PTCHD4: variants seen among roughly 807,000 people sequenced by gnomAD.
PTCHD4 encodes patched domain-containing protein 4.
PTCHD4 carries 33 observed loss-of-function variants against 58.1 expected under a neutral mutation model. That is an observed-to-expected ratio of 0.57 (90% confidence interval 0.43 to 0.76). The LOEUF is 0.76. Among genes scored for constraint, PTCHD4 ranks in the 30% least tolerant of loss-of-function variants. The probability of loss-of-function intolerance (pLI) is 0.00; values close to 1 mark genes in which losing one functional copy is unlikely to be tolerated. For missense variants in PTCHD4, 1,058 were observed against 1,027.1 expected, an observed-to-expected ratio of 1.03 and a Z score of -0.41; for synonymous variants, 478 against 409.6, an observed-to-expected ratio of 1.17 and a Z score of -2.02.
chr6:48,010,513 T>C (rs1266699032), intron 3 of PTCHD4, among the ~76,000 whole-genome samples: 2 of 151,814 alleles, frequency 1.3e-5, no homozygotes, highest in Non-Finnish European at 1.5e-5. Flanking sequence ...GAGAGTGTGT[T>C]GCAAACACAA....
chr6:47,890,506 T>C (rs1764344344), intron 4 of PTCHD4, among the ~76,000 whole-genome samples: 1 of 152,136 alleles, frequency 6.6e-6, no homozygotes, highest in African/African-American at 2.4e-5. Flanking sequence ...GACAGTGAGA[T>C]GTACCTCATG....
In PTCHD4 at chr6:48,059,761, T is replaced by C. The variant is rs138048926; in HGVS notation, c.417+8469A>G. On this transcript the variant is annotated intron_variant, in intron 3 of 4. Transcript: ENST00000339488. The stretch of plus-strand genomic sequence containing the variant: ...GCTGACTCTCAAGAAATTCATTACA[T>C]GACCCTCAGCACTCACCACCATCAC... Among the ~76,000 whole-genome samples, 59 of 152,274 alleles carry C rather than the reference T, an allele frequency of 3.9e-4. 3 individuals are homozygous for C. Among genetic ancestry groups the C allele is most frequent in the African/African-American group, 1.4e-3 (57 of 41,554 alleles).
chr6:48,060,637 C>A (rs1483871541), intron 3 of PTCHD4, among the ~76,000 whole-genome samples: 1 of 152,156 alleles, frequency 6.6e-6, no homozygotes, highest in African/African-American at 2.4e-5. Context: ...CCACACCTGG[C>A]TAATTTCTGT....
At chr6:47,942,868 C>T (rs1561969527) in intron 4 of PTCHD4, among the ~76,000 whole-genome samples, 1 of 152,142 alleles carries the variant, frequency 6.6e-6, no homozygotes, top group South Asian at 2.1e-4. Flanking sequence ...TTTCACTCAT[C>T]AGTTGAGAAA....
chr6:47,912,306 G>A (rs1406477629), intron 4 of PTCHD4, among the ~76,000 whole-genome samples: 4 of 151,668 alleles, frequency 2.6e-5, no homozygotes, highest in Admixed American at 2.6e-4. Flanking sequence ...CATCCCAGTG[G>A]AGGGTAAGTT....
At chr6:47,928,791 T>TCCCA (rs200177479) in intron 4 of PTCHD4, among the ~76,000 whole-genome samples, 3,235 of 152,324 alleles carry the variant, frequency 0.021, 118 homozygotes, top group African/African-American at 0.071. Flanking sequence ...ATCTTTGTCC[T>TCCCA]GAGTTAGTAC....
chr6:47,916,000 A>G (rs978464930), intron 4 of PTCHD4, among the ~76,000 whole-genome samples: 3 of 152,140 alleles, frequency 2.0e-5, no homozygotes, highest in Non-Finnish European at 4.4e-5. Flanking sequence ...CATCCAGTGC[A>G]TGGTGAGAGG....
rs1392989738 is a variant in PTCHD4, at chr6:48,053,096, T to G, written c.417+15134A>C. Among the ~76,000 whole-genome samples, 4 of 152,186 alleles carry G rather than the reference T, an allele frequency of 2.6e-5. No homozygotes were observed. The East Asian group carries it at 7.7e-4, about 29-fold the overall frequency. ...TATGAGTTGACTTGCCACACTGATC[T>G]GGGGGAGCCAGGATCCTTATATGAA... On this transcript the variant is annotated intron_variant, in intron 3 of 4. Coordinates refer to ENST00000339488, the MANE Select transcript of PTCHD4 (RefSeq NM_001384253.1).
In PTCHD4 at chr6:47,864,354, T is replaced by G. The variant is rs1763503453; in HGVS notation, c.*13949A>C. Among the ~76,000 whole-genome samples the G allele has an allele frequency of 6.6e-6, 1 of 151,790 alleles. No individual in the cohort carries two copies. The highest frequency in any genetic ancestry group is 1.5e-5 in the Non-Finnish European group (1 of 67,878). ...CATATATATATATGGCTATTTCACC[T>G]ACTAGTTTGCTTTGCTAAAATCCTT... On this transcript the variant is annotated 3_prime_UTR_variant, in exon 5 of 5. Coordinates refer to ENST00000339488, the MANE Select transcript of PTCHD4 (RefSeq NM_001384253.1).
rs573227503 is a variant in PTCHD4, at chr6:47,874,110, T to C, written c.*4193A>G. On this transcript the variant is annotated 3_prime_UTR_variant, in exon 5 of 5. Transcript: ENST00000339488. ...CCATAAGATTAGCAAACACAAGACA[T>C]AAAATTATGTTTATTTACTAACCAA... Among the ~76,000 whole-genome samples, 1 of 151,838 alleles carries C rather than the reference T, an allele frequency of 6.6e-6. No homozygotes were observed. The highest frequency in any genetic ancestry group is 1.5e-5 in the Non-Finnish European group (1 of 67,774).
At chr6:48,024,064 A>G (rs566969996) in intron 3 of PTCHD4, among the ~76,000 whole-genome samples, 22 of 152,322 alleles carry the variant, frequency 1.4e-4, no homozygotes, top group Non-Finnish European at 2.9e-4. Flanking sequence ...CTTCAGCTAT[A>G]AAATGGGACT....
intron 4 of PTCHD4, chr6:47,890,829 G>T (rs1027440515): frequency 5.5e-6 from 5 of 913,140 alleles, no homozygotes; most frequent in Non-Finnish European, 6.5e-6. Context: ...TTGCTTTCCT[G>T]CTCTCTCTCT....
rs1405307573 is a variant in PTCHD4, at chr6:47,861,337, A to G, written c.*16966T>C. The stretch of plus-strand genomic sequence containing the variant: ...TTAAAAAAATTTTATTTGTGTCTCA[A>G]TTCTTGCCTGACTGTTTACTTACTA... On this transcript the variant is annotated 3_prime_UTR_variant, in exon 5 of 5. Transcript: ENST00000339488. Among the ~76,000 whole-genome samples the G allele has an allele frequency of 1.2e-5, 1 of 86,304 alleles. No individual in the cohort carries two copies. Among genetic ancestry groups the G allele is most frequent in the Non-Finnish European group, 2.5e-5 (1 of 39,342 alleles). 56.6% of individuals were successfully genotyped at this position (86,304 alleles called of 152,430 possible).
At chr6:47,918,108 A>G (rs984239343) in intron 4 of PTCHD4, among the ~76,000 whole-genome samples, 2 of 151,918 alleles carry the variant, frequency 1.3e-5, no homozygotes, top group African/African-American at 4.8e-5. Flanking sequence ...AAATCCTAGG[A>G]TTTTTTTTAA....
At chr6:48,093,114 A>G (rs778796701) in intron 1 of PTCHD4, among the ~76,000 whole-genome samples, 1 of 152,026 alleles carries the variant, frequency 6.6e-6, no homozygotes, top group African/African-American at 2.4e-5. Flanking sequence ...CTAGTATAAA[A>G]CCTTTCATCT....
At chr6:48,046,801 C>A (rs912279736) in intron 3 of PTCHD4, among the ~76,000 whole-genome samples, 5 of 151,742 alleles carry the variant, frequency 3.3e-5, no homozygotes, top group African/African-American at 9.7e-5. Context: ...ATATTTGAAA[C>A]GTATTAAAAT....
At chr6:47,932,873 A>T (rs190724451) in intron 4 of PTCHD4, among the ~76,000 whole-genome samples, 1 of 152,320 alleles carries the variant, frequency 6.6e-6, no homozygotes, top group East Asian at 1.9e-4. Flanking sequence ...AAAATAATTC[A>T]CCTCATAGTT....
intron 4 of PTCHD4, among the ~76,000 whole-genome samples, chr6:47,942,328 A>C (rs974203102): frequency 2.0e-5 from 3 of 152,202 alleles, no homozygotes; most frequent in African/African-American, 7.2e-5. Context: ...TCTTTAGTTG[A>C]TGCATTTAAA....
At chr6:47,946,418 C>G (rs1010899236) in intron 4 of PTCHD4, among the ~76,000 whole-genome samples, 1 of 152,074 alleles carries the variant, frequency 6.6e-6, no homozygotes, top group Non-Finnish European at 1.5e-5. Flanking sequence ...ATAGCTTGAG[C>G]CTTTTTGTCA....
Sources: gnomAD v4.1 joint callset for allele counts (sites outside exome capture counted in the v4.1 genomes callset) on GRCh38, gnomAD v4.1.1 for gene constraint, MANE v1.5 for transcripts, NCBI Gene and HGNC (gene_info 2026-07-23, HGNC 2026-07-21) for gene names.